Variants in RAP1GAP observed in about 807,000 individuals in gnomAD.
RAP1GAP encodes the protein RAP1 GTPase activating protein.
RAP1GAP carries 35 observed loss-of-function variants against 87.2 expected under a neutral mutation model. That is an observed-to-expected ratio of 0.40 (90% CI 0.31 to 0.53). The LOEUF (loss-of-function observed/expected upper bound fraction) is 0.53, where lower values mean the gene tolerates loss of function less well. RAP1GAP is among the 20% of genes least tolerant of loss of function. The pLI is 0.48. For synonymous variants in RAP1GAP, 375 were observed against 363.9 expected (o/e 1.03, Z -0.35); for missense variants, 734 against 898.9 (o/e 0.82, Z 2.35).
chr1:21,633,970 C>T (rs1028423357), intron 2 of RAP1GAP, among the ~76,000 whole-genome samples: 2 of 151,676 alleles, frequency 1.3e-5, no homozygotes, highest in East Asian at 1.9e-4. Flanking sequence ...CTGCCAGAGC[C>T]GGGTCTCCTA....
intron 1 of RAP1GAP, among the ~76,000 whole-genome samples, chr1:21,654,096 G>A (rs1331000185): frequency 1.4e-5 from 2 of 146,624 alleles, no homozygotes; most frequent in Non-Finnish European, 3.0e-5. Context: ...ATGGGGGTGG[G>A]GGTGGGAGTG....
rs540777928 is a variant in RAP1GAP at position 21,615,815 on chromosome 1, A to G, written c.291+1491T>C. 3.3e-5 allele frequency among the ~76,000 whole-genome samples: 5 copies of G among 152,224 alleles called. No individual in the cohort carries two copies. The South Asian group carries it at 1.0e-3, about 32-fold the overall frequency. ...TTTCAACAAACTTTTCTGAGTACCA[A>G]CCATGTGTTTGGCATATACAGTACC... On this transcript the variant is annotated intron_variant, in intron 7 of 24. Transcript: ENST00000374765. The surrounding 1 kb of genome is among the most constrained non-coding windows in gnomAD (Gnocchi z 4.5).
At chr1:21,620,183 A>C (rs2085938683) in intron 3 of RAP1GAP, 133 bp from the exon 4 acceptor site, 3 of 882,774 alleles carry the variant, frequency 3.4e-6, no homozygotes, top group African/African-American at 3.3e-5. Flanking sequence ...AGCAAGCGGG[A>C]GTGACGGGAG....
intron 1 of RAP1GAP, among the ~76,000 whole-genome samples, chr1:21,659,152 G>A (rs1426044572): frequency 6.6e-6 from 1 of 152,040 alleles, no homozygotes; most frequent in Admixed American, 6.6e-5. Context: ...TGATGCGCCC[G>A]CCTTAGCCTC....
chr1:21,619,265 T>C (rs2084803861), intron 4 of RAP1GAP, among the ~76,000 whole-genome samples, 193 bp from the exon 5 acceptor site: 1 of 151,932 alleles, frequency 6.6e-6, no homozygotes, highest in East Asian at 1.9e-4. Flanking sequence ...TGACCGGGGC[T>C]GGAGGCTGGC....
At chr1:21,607,009 T>C (rs2075111556) in intron 17 of RAP1GAP, among the ~76,000 whole-genome samples, 1 of 152,226 alleles carries the variant, frequency 6.6e-6, no homozygotes, top group African/African-American at 2.4e-5. Flanking sequence ...AAAGACGATC[T>C]GTTCACCTCA....
intron 13 of RAP1GAP, 59 bp from the exon 14 acceptor site, chr1:21,610,334 G>C: frequency 1.3e-6 from 2 of 1,589,906 alleles, no homozygotes; most frequent in Non-Finnish European, 8.6e-7. Context: ...GGGGGAGAGG[G>C]GTGCCCACGG....
At chr1:21,623,772 G>A (rs2090329729) in intron 3 of RAP1GAP, among the ~76,000 whole-genome samples, 1 of 152,240 alleles carries the variant, frequency 6.6e-6, no homozygotes, top group African/African-American at 2.4e-5. Context: ...AGGCCTGAAT[G>A]CTTCCGGGCA....
chr1:21,658,597 G>C (rs1351302480), intron 1 of RAP1GAP, among the ~76,000 whole-genome samples: 1 of 151,900 alleles, frequency 6.6e-6, no homozygotes, highest in Non-Finnish European at 1.5e-5. Context: ...AAATCTAAGG[G>C]TAGGCTGGGC....
chr1:21,661,167 G>A (rs959485397), intron 1 of RAP1GAP, among the ~76,000 whole-genome samples: 3 of 151,708 alleles, frequency 2.0e-5, no homozygotes, highest in Non-Finnish European at 2.9e-5. Context: ...CACAAGAATC[G>A]CTTGAATCCA....
At chr1:21,605,690 G>T (rs980933582) in intron 18 of RAP1GAP, among the ~76,000 whole-genome samples, 1 of 151,936 alleles carries the variant, frequency 6.6e-6, no homozygotes, top group Non-Finnish European at 1.5e-5. Flanking sequence ...GAAACCCAAG[G>T]CTTGACAGTA....
intron 2 of RAP1GAP, 138 bp downstream of exon 2, chr1:21,649,623 C>T (rs921021402): frequency 1.3e-5 from 13 of 1,000,546 alleles, no homozygotes; most frequent in Non-Finnish European, 1.7e-5. Context: ...AGAGGGTCTG[C>T]CCACCCCCTT....
At chr1:21,635,056 G>A (rs953881003) in intron 2 of RAP1GAP, among the ~76,000 whole-genome samples, 1 of 152,170 alleles carries the variant, frequency 6.6e-6, no homozygotes, top group Non-Finnish European at 1.5e-5. Context: ...TCTCCATTCT[G>A]CCTGGAAGAA....
At chr1:21,646,312 C>T (rs971352524) in intron 2 of RAP1GAP, among the ~76,000 whole-genome samples, 1 of 152,204 alleles carries the variant, frequency 6.6e-6, no homozygotes, top group African/African-American at 2.4e-5. Flanking sequence ...CATCACTCCC[C>T]GCTCCTCCCT....
rs1403236979 is a variant in RAP1GAP at position 21,609,647 on chromosome 1, C to A, written c.1000-1G>T. ...CATCATCTCTTGCAGTGACAGAGAC[C>A]TGGAAGGGAGGGCAGCTGTCTGTTC... is the stretch of plus-strand genomic sequence containing the variant. On this transcript the variant is annotated splice_acceptor_variant, in intron 14 of 24. Coordinates refer to ENST00000374765, the MANE Select transcript of RAP1GAP (RefSeq NM_002885.4). LOFTEE classifies it high-confidence loss of function. The surrounding 1 kb of genome is among the most constrained non-coding windows in gnomAD (Gnocchi z 4.4). 1.9e-6 allele frequency: 3 copies of A among 1,572,184 alleles called. No homozygotes were observed. The highest frequency in any genetic ancestry group is 2.6e-6 in the Non-Finnish European group (3 of 1,159,272).
intron 11 of RAP1GAP, 54 bp downstream of exon 11, chr1:21,611,972 G>C: frequency 6.7e-7 from 1 of 1,492,620 alleles, no homozygotes; most frequent in Non-Finnish European, 9.2e-7. Context: ...AAAGGTGTGA[G>C]GCTCCAGATA....
chr1:21,603,570 G>T lies in RAP1GAP; in HGVS notation c.1429-657C>A. On this transcript the variant is annotated intron_variant, in intron 18 of 24. Coordinates refer to ENST00000374765, the MANE Select transcript of RAP1GAP (RefSeq NM_002885.4). The surrounding 1 kb of genome is among the most constrained non-coding windows in gnomAD (Gnocchi z 6.0). ...GCTGGGTGTAGGGCCTTTGGGTACC[G>T]GATCCTGGCAGGGACTGGGCCAGGG... The T allele has an allele frequency of 1.6e-6, 1 of 636,112 alleles. No individual in the cohort carries two copies. The highest frequency in any genetic ancestry group is 2.8e-6 in the Non-Finnish European group (1 of 352,432). The allele number at this position is 636,112 out of a possible 1,614,324, so 39.4% of individuals were successfully genotyped here.
intron 2 of RAP1GAP, among the ~76,000 whole-genome samples, chr1:21,627,683 G>T (rs1397842139): frequency 6.6e-6 from 1 of 151,988 alleles, no homozygotes; most frequent in Non-Finnish European, 1.5e-5. Context: ...CCAAAGTGCT[G>T]AGATTATAGG....
intron 1 of RAP1GAP, among the ~76,000 whole-genome samples, chr1:21,654,869 G>A (rs936274458): frequency 4.6e-5 from 7 of 151,860 alleles, no homozygotes; most frequent in African/African-American, 1.5e-4. Flanking sequence ...GGCTAGGCAC[G>A]GTGGCTCACA....
Sources: allele counts gnomAD v4.1 joint callset (sites outside exome capture counted in the v4.1 genomes callset), GRCh38; gene constraint gnomAD v4.1.1; non-coding constraint Gnocchi (gnomAD v3.1); transcripts MANE v1.5; gene names NCBI Gene and HGNC (gene_info 2026-07-23, HGNC 2026-07-21).